The following MYT1L variants were observed in gnomAD, a reference collection of about 807,000 sequenced individuals.
MYT1L encodes myelin transcription factor 1 like.
In MYT1L, 12 loss-of-function variants were observed where a neutral mutation model predicts 126.7. That is an observed-to-expected ratio of 0.09 (90% CI 0.06 to 0.15). The LOEUF (loss-of-function observed/expected upper bound fraction) is 0.15, where lower values mean the gene tolerates loss of function less well. Ranked by LOEUF, MYT1L falls within the 10% of genes least tolerant of loss-of-function variation. The pLI is 1.00. For missense variants in MYT1L, 979 were observed against 1,585.2 expected (o/e 0.62, Z 6.49); for synonymous variants, 541 against 604.2 (o/e 0.90, Z 1.53).
rs180735787 is a variant in MYT1L, at chr2:1,815,428, G to C, written c.3081-6261C>G. On this transcript the variant is annotated intron_variant, in intron 21 of 24. Transcript: ENST00000647738. Reference sequence around the variant, plus strand: ...TGGCTCTTGCCTCATGATGCTGTCAGCTCTACCCCAGCAGGGTCATCCCCG... The same window carrying C: ...TGGCTCTTGCCTCATGATGCTGTCACCTCTACCCCAGCAGGGTCATCCCCG... Among the ~76,000 whole-genome samples, 3 of 152,338 alleles carry C rather than the reference G, an allele frequency of 2.0e-5. No homozygotes were observed. The East Asian group carries it at 5.8e-4, about 29-fold the overall frequency.
rs1053935741 is a variant in MYT1L, at chr2:2,068,798, T to C, written c.-303-14675A>G. 8.3e-4 allele frequency among the ~76,000 whole-genome samples: 98 copies of C among 117,514 alleles called. 1 individual carries two copies. Among genetic ancestry groups the C allele is most frequent in the Non-Finnish European group, 1.2e-3 (66 of 56,774 alleles). 77.1% of individuals were successfully genotyped at this position (117,514 alleles called of 152,430 possible). On this transcript the variant is annotated intron_variant, in intron 3 of 24. Transcript: ENST00000647738. ...TTTTTTTTTTTTTTTTTTTTTTTTT[T>C]CATATGTATAAGTTCAAGTATGTGG... is the stretch of plus-strand genomic sequence containing the variant.
At chr2:2,262,062 A>C (rs1232222320) in intron 2 of MYT1L, among the ~76,000 whole-genome samples, 1 of 152,186 alleles carries the variant, frequency 6.6e-6, no homozygotes, top group Non-Finnish European at 1.5e-5. Flanking sequence ...ACACCCCTTA[A>C]CATAACTTCA....
At chr2:2,017,020 C>T (rs942138221) in intron 4 of MYT1L, among the ~76,000 whole-genome samples, 8 of 152,240 alleles carry the variant, frequency 5.3e-5, no homozygotes, top group African/African-American at 1.7e-4. Flanking sequence ...AAAGGCCTAT[C>T]GACAGCTGTG....
intron 5 of MYT1L, among the ~76,000 whole-genome samples, chr2:1,985,076 A>T (rs1268117745): frequency 1.3e-5 from 2 of 152,146 alleles, no homozygotes; most frequent in Non-Finnish European, 1.5e-5. Flanking sequence ...GGTTACGGAC[A>T]GCTCCCACTT....
intron 3 of MYT1L, among the ~76,000 whole-genome samples, chr2:2,098,315 C>T (rs543930708): frequency 6.6e-6 from 1 of 152,260 alleles, no homozygotes; most frequent in Admixed American, 6.5e-5. Flanking sequence ...ATAATTTATG[C>T]TTTTTAAAGG....
intron 18 of MYT1L, among the ~76,000 whole-genome samples, chr2:1,866,452 G>C (rs1000243726): frequency 2.0e-5 from 3 of 150,702 alleles, no homozygotes; most frequent in Non-Finnish European, 3.0e-5. Flanking sequence ...GGGAGAGAGA[G>C]AGAGAGGCAG....
intron 2 of MYT1L, among the ~76,000 whole-genome samples, chr2:2,226,010 C>T (rs142905184): frequency 2.4e-3 from 371 of 152,278 alleles, no homozygotes; most frequent in Middle Eastern, 6.8e-3. Context: ...AACTCCTAAG[C>T]ACCATGTTAA....
intron 18 of MYT1L, among the ~76,000 whole-genome samples, chr2:1,860,693 C>T (rs1279594785): frequency 1.3e-5 from 2 of 152,292 alleles, no homozygotes; most frequent in East Asian, 1.9e-4. Flanking sequence ...ACTCTCAACA[C>T]GGCCATTATT....
At chr2:1,820,893 C>T (rs532733780) in intron 21 of MYT1L, among the ~76,000 whole-genome samples, 76 of 152,016 alleles carry the variant, frequency 5.0e-4, no homozygotes, top group Non-Finnish European at 6.5e-4. Context: ...CTCAGTGGGC[C>T]GGACTCAAGC....
intron 4 of MYT1L, among the ~76,000 whole-genome samples, chr2:2,006,011 C>G (rs879780105): frequency 3.3e-5 from 5 of 151,814 alleles, no homozygotes; most frequent in Non-Finnish European, 7.4e-5. Context: ...TGCATGCATT[C>G]TTTCCTGCAT....
Position 1,903,119 on chromosome 2 carries a change from C to A in MYT1L, c.1993G>T (p.Val665Leu). The A allele has an allele frequency of 6.2e-7, 1 of 1,614,010 alleles. No individual in the cohort carries two copies. The highest frequency in any genetic ancestry group is 1.3e-5 in the African/African-American group (1 of 75,038). ...TYGKRAIAPK[V>L]QTRDISPKGY... ...TTGGGGGATATATCCCTGGTTTGCA[C>A]CTTGGGAGCTATGGCTCGCTTGCCA... The change falls in exon 14 of 25, where the codon GTG becomes TTG. Residue 665 changes from valine (V) to leucine (L), a missense_variant. Around this residue, in one of 12 missense-constraint regions of MYT1L, gnomAD observed 82 missense variants for 177.2 expected, o/e 0.46. Coordinates refer to ENST00000647738, the MANE Select transcript of MYT1L (RefSeq NM_001303052.2).
intron 14 of MYT1L, among the ~76,000 whole-genome samples, chr2:1,896,077 A>G (rs1227980361): frequency 1.3e-5 from 2 of 152,244 alleles, no homozygotes; most frequent in Admixed American, 6.5e-5. Context: ...GCCAACAGCC[A>G]TGTGATAAAA....
intron 23 of MYT1L, among the ~76,000 whole-genome samples, chr2:1,798,256 A>G (rs993265928): frequency 7.1e-6 from 1 of 140,700 alleles, no homozygotes; most frequent in Non-Finnish European, 1.5e-5. Context: ...GTCTCCCTCC[A>G]TCCGGCACAG....
chr2:2,118,141 CAAT>C (rs910278863), intron 3 of MYT1L, among the ~76,000 whole-genome samples: 3 of 148,454 alleles, frequency 2.0e-5, no homozygotes, highest in African/African-American at 7.4e-5. Context: ...CAATAATATT[CAAT>C]AATAATTTTT....
chr2:1,881,595 A>G (rs1379268551), intron 18 of MYT1L, among the ~76,000 whole-genome samples: 1 of 152,178 alleles, frequency 6.6e-6, no homozygotes, highest in East Asian at 1.9e-4. Context: ...TGTAAATGGT[A>G]GCACTGGGTC....
rs1031233449 is a variant in MYT1L, at chr2:1,795,065, G to A, written c.3277-2601C>T. Among the ~76,000 whole-genome samples the A allele has an allele frequency of 3.9e-5, 6 of 152,152 alleles. No individual in the cohort carries two copies. The South Asian group carries it at 6.2e-4, about 16-fold the overall frequency. ...TCTCCTGCATCTCCAGCCCACACAC[G>A]AAGGGCCCCGGGCTTCTTGCACGTG... On this transcript the variant is annotated intron_variant, in intron 23 of 24. Coordinates refer to ENST00000647738, the MANE Select transcript of MYT1L (RefSeq NM_001303052.2).
intron 8 of MYT1L, among the ~76,000 whole-genome samples, chr2:1,976,679 T>C (rs527597034): frequency 4.6e-5 from 7 of 152,182 alleles, no homozygotes; most frequent in Admixed American, 4.6e-4. Flanking sequence ...ACGGAAAATT[T>C]CCAAATTTAA....
intron 10 of MYT1L, among the ~76,000 whole-genome samples, chr2:1,919,082 G>A (rs747051470): frequency 5.3e-5 from 8 of 152,126 alleles, no homozygotes; most frequent in Non-Finnish European, 1.0e-4. Flanking sequence ...TCTATTATTC[G>A]TCCTTAAGTG....
chr2:2,039,756 C>T (rs181957110), intron 4 of MYT1L, among the ~76,000 whole-genome samples: 12 of 152,242 alleles, frequency 7.9e-5, no homozygotes, highest in Non-Finnish European at 1.2e-4. Context: ...TGCATCAGCC[C>T]GCTCATGCTT....
Sources: allele counts gnomAD v4.1 joint callset (sites outside exome capture counted in the v4.1 genomes callset), GRCh38; gene constraint gnomAD v4.1.1; regional missense constraint gnomAD v4.1.1; transcripts MANE v1.5; gene names NCBI Gene and HGNC (gene_info 2026-07-23, HGNC 2026-07-21).